The following PGM5 variants were observed in gnomAD, a reference collection of about 807,000 sequenced individuals.
PGM5 encodes the protein phosphoglucomutase 5.
In PGM5, 23 loss-of-function variants were observed where a neutral mutation model predicts 59.2. The observed-to-expected ratio is 0.39, with a 90% CI of 0.28 to 0.55. The LOEUF is 0.55. Ranked by LOEUF, PGM5 falls within the 20% of genes least tolerant of loss-of-function variation. PGM5 has a pLI of 0.66. For synonymous variants in PGM5, 214 were observed against 286.0 expected (o/e 0.75, Z 2.54); for missense variants, 574 against 748.3 (o/e 0.77, Z 2.72).
chr9:68,427,374 C>G (rs1473898740), intron 6 of PGM5, among the ~76,000 whole-genome samples: 1 of 152,116 alleles, frequency 6.6e-6, no homozygotes, highest in East Asian at 1.9e-4. Flanking sequence ...ACAACCATAT[C>G]CTGTGTCAAA....
At chr9:68,440,975 C>A (rs1823519928) in intron 6 of PGM5, among the ~76,000 whole-genome samples, 1 of 151,918 alleles carries the variant, frequency 6.6e-6, no homozygotes, top group Non-Finnish European at 1.5e-5. Context: ...AGTAAGAATA[C>A]TACTGTAGAC....
intron 10 of PGM5, among the ~76,000 whole-genome samples, chr9:68,504,876 C>T (rs1824631289): frequency 6.6e-6 from 1 of 152,172 alleles, no homozygotes; most frequent in African/African-American, 2.4e-5. Flanking sequence ...CCATTAATTA[C>T]TTTGGAATCT....
intron 7 of PGM5, among the ~76,000 whole-genome samples, chr9:68,466,959 G>A (rs990744882): frequency 3.3e-5 from 5 of 152,222 alleles, no homozygotes; most frequent in East Asian, 1.9e-4. Context: ...ACTTTTGCCC[G>A]TCTCTCAGAG....
chr9:68,503,738 G>T (rs995506738), intron 10 of PGM5, among the ~76,000 whole-genome samples: 2 of 152,188 alleles, frequency 1.3e-5, no homozygotes, highest in Non-Finnish European at 1.5e-5. Flanking sequence ...CAGCTCAGAG[G>T]TTCTCAACCC....
chr9:68,406,660 G>GT (rs1554681158), intron 6 of PGM5, among the ~76,000 whole-genome samples: 1 of 57,634 alleles, frequency 1.7e-5, no homozygotes. Context: ...ATTAAATTAG[G>GT]TATATATATA....
chr9:68,386,903 G>A (rs1412548324), intron 3 of PGM5, among the ~76,000 whole-genome samples: 1 of 151,782 alleles, frequency 6.6e-6, no homozygotes, highest in Non-Finnish European at 1.5e-5. Context: ...TTGGAAATTG[G>A]GTGCTAGATT....
rs781802650 is a variant in PGM5, at chr9:68,483,924, C to T, written c.1355C>T (p.Ala452Val). The change falls in exon 9 of 11, where the codon GCC becomes GTC. Residue 452 changes from alanine to valine, a missense_variant. By Grantham distance (64) the Ala-to-Val change is moderately conservative (BLOSUM62 0). Coordinates refer to ENST00000396396, the MANE Select transcript of PGM5 (RefSeq NM_021965.4). ...TATTATATCATGAGGGACCTGGAGG[C>T]CCTGGTCACAGACAAATCCTTCATT... ...TTYYIMRDLE[A>V]LVTDKSFIGQ... 1 of 1,614,070 alleles carries T rather than the reference C, an allele frequency of 6.2e-7. No individual in the cohort carries two copies. Among genetic ancestry groups the T allele is most frequent in the Non-Finnish European group, 8.5e-7 (1 of 1,179,964 alleles).
rs191730900 is a variant in PGM5, at chr9:68,492,004, T to A, written c.1480-7223T>A. 8.5e-5 allele frequency among the ~76,000 whole-genome samples: 13 copies of A among 152,360 alleles called. No individual in the cohort carries two copies. The East Asian group carries it at 1.9e-3, about 23-fold the overall frequency. On this transcript the variant is annotated intron_variant, in intron 9 of 10. Coordinates refer to ENST00000396396, the MANE Select transcript of PGM5 (RefSeq NM_021965.4). Reference sequence around the variant, plus strand: ...GAACTATTGTCTAAAGTGTCAGTAGTAAAATTGTCCTAAAATGTGTAGCAA... The same window carrying A: ...GAACTATTGTCTAAAGTGTCAGTAGAAAAATTGTCCTAAAATGTGTAGCAA...
At chr9:68,489,427 T>C (rs1887888) in intron 9 of PGM5, among the ~76,000 whole-genome samples, 3,760 of 96,288 alleles carry the variant, frequency 0.039, 156 homozygotes, top group African/African-American at 0.2. Flanking sequence ...AATCCTATGT[T>C]GTTGTTGTTG....
intron 6 of PGM5, among the ~76,000 whole-genome samples, chr9:68,451,285 CAT>C (rs1169725495): frequency 3.9e-5 from 6 of 152,326 alleles, no homozygotes; most frequent in South Asian, 2.1e-4. Context: ...TAAAATACCA[CAT>C]GTTGTCACTT....
intron 6 of PGM5, among the ~76,000 whole-genome samples, chr9:68,446,735 C>T (rs988718688): frequency 1.8e-4 from 27 of 152,246 alleles, no homozygotes; most frequent in African/African-American, 5.1e-4. Flanking sequence ...TGTTGACATT[C>T]GAGAGAGGAA....
chr9:68,470,143 G>A (rs543272455), intron 7 of PGM5, among the ~76,000 whole-genome samples: 1 of 152,210 alleles, frequency 6.6e-6, no homozygotes, highest in East Asian at 1.9e-4. Flanking sequence ...TGGAACTAGT[G>A]TTAATAAACA....
chr9:68,500,225 T>C (rs1444062218), intron 10 of PGM5, among the ~76,000 whole-genome samples: 1 of 152,238 alleles, frequency 6.6e-6, no homozygotes, highest in Non-Finnish European at 1.5e-5. Flanking sequence ...AATTTCTAGC[T>C]ATAATTTGCC....
At chr9:68,362,865 CTTTTT>C in intron 1 of PGM5, among the ~76,000 whole-genome samples, 1 of 96,772 alleles carries the variant, frequency 1.0e-5, no homozygotes, top group African/African-American at 4.0e-5. Context: ...TTTTCTTTTT[CTTTTT>C]TTTTTTTTTT....
intron 1 of PGM5, among the ~76,000 whole-genome samples, chr9:68,377,317 C>T (rs1451688142): frequency 6.6e-6 from 1 of 152,158 alleles, no homozygotes. Flanking sequence ...CTTGGCTGAA[C>T]ATTGGAATCA....
chr9:68,397,049 T>A (rs1171886656), intron 6 of PGM5: 8 of 152,690 alleles, frequency 5.2e-5, no homozygotes, highest in Admixed American at 2.0e-4. Flanking sequence ...ACTCTTACAG[T>A]GTCACTAAAA....
chr9:68,430,410 TA>T (rs1303945739), intron 6 of PGM5, among the ~76,000 whole-genome samples: 1 of 152,276 alleles, frequency 6.6e-6, no homozygotes, highest in Non-Finnish European at 1.5e-5. Flanking sequence ...TCTGTTAAAG[TA>T]AACTCAACTT....
At chr9:68,374,244 T>C (rs1554677370) in intron 1 of PGM5, among the ~76,000 whole-genome samples, 2 of 152,392 alleles carry the variant, frequency 1.3e-5, no homozygotes, top group South Asian at 4.1e-4. Context: ...TCCAGACTTA[T>C]TACTTGAGGG....
chr9:68,376,864 T>TC (rs1554677806), intron 1 of PGM5, among the ~76,000 whole-genome samples: 15 of 115,286 alleles, frequency 1.3e-4, no homozygotes, highest in African/African-American at 2.1e-4. Flanking sequence ...TTTCTTTCTT[T>TC]TTTCTTTCTC....
Sources: gnomAD v4.1 joint callset for allele counts (sites outside exome capture counted in the v4.1 genomes callset) on GRCh38, gnomAD v4.1.1 for gene constraint, MANE v1.5 for transcripts, NCBI Gene and HGNC (gene_info 2026-07-23, HGNC 2026-07-21) for gene names.